CHRM3: variants seen among roughly 807,000 people sequenced by gnomAD.
The protein encoded by CHRM3 is muscarinic acetylcholine receptor M3.
CHRM3 carries 11 observed loss-of-function variants against 41.8 expected under a neutral mutation model. The ratio of observed to expected loss-of-function variants is 0.26; its 90% CI spans 0.17 to 0.44. CHRM3 has a LOEUF of 0.44. CHRM3 is among the 20% of genes least tolerant of loss of function. The probability of loss-of-function intolerance (pLI) is 1.00; values close to 1 mark genes in which losing one functional copy is unlikely to be tolerated. For synonymous variants in CHRM3, 297 were observed against 301.4 expected, an observed-to-expected ratio of 0.99 and a Z score of 0.15; for missense variants, 571 against 745.4, an observed-to-expected ratio of 0.77 and a Z score of 2.72.
intron 6 of CHRM3, among the ~76,000 whole-genome samples, chr1:239,862,654 C>T (rs1675733492): frequency 6.6e-6 from 1 of 152,086 alleles, no homozygotes; most frequent in African/African-American, 2.4e-5. Flanking sequence ...TCTTTAAGTA[C>T]CTATTATTTA....
intron 1 of CHRM3, among the ~76,000 whole-genome samples, chr1:239,403,462 G>A (rs1169477806): frequency 6.6e-6 from 1 of 152,164 alleles, no homozygotes; most frequent in Admixed American, 6.5e-5. Context: ...AGCAGTTCCT[G>A]ATGACTTATA....
At chr1:239,395,270 T>C (rs1167394462) in intron 1 of CHRM3, among the ~76,000 whole-genome samples, 1 of 152,158 alleles carries the variant, frequency 6.6e-6, no homozygotes, top group East Asian at 1.9e-4. Context: ...GTCTTCACGA[T>C]TTCAAATACC....
At chr1:239,782,991 T>TA (rs1355211511) in intron 5 of CHRM3, among the ~76,000 whole-genome samples, 1 of 151,720 alleles carries the variant, frequency 6.6e-6, no homozygotes, top group African/African-American at 2.4e-5. Context: ...TCTAGTTTTT[T>TA]TAATTTGTTA....
chr1:239,822,126 T>C (rs1333589127), intron 5 of CHRM3, among the ~76,000 whole-genome samples: 1 of 152,222 alleles, frequency 6.6e-6, no homozygotes, highest in Non-Finnish European at 1.5e-5. Flanking sequence ...AACAGACTAG[T>C]ACAGAAGCTA....
intron 2 of CHRM3, among the ~76,000 whole-genome samples, chr1:239,498,559 C>A (rs1668026397): frequency 6.6e-6 from 1 of 151,978 alleles, no homozygotes; most frequent in Non-Finnish European, 1.5e-5. Context: ...TATTAATAAG[C>A]AAAATAGGGA....
intron 2 of CHRM3, among the ~76,000 whole-genome samples, chr1:239,502,036 A>G (rs1045129174): frequency 7.2e-5 from 11 of 152,182 alleles, no homozygotes; most frequent in African/African-American, 2.6e-4. Flanking sequence ...ACAAGAACAA[A>G]CCAAACCCAA....
At chr1:239,823,066 G>A (rs1672180416) in intron 5 of CHRM3, among the ~76,000 whole-genome samples, 1 of 152,112 alleles carries the variant, frequency 6.6e-6, no homozygotes, top group South Asian at 2.1e-4. Flanking sequence ...ACAAACCAAT[G>A]GTAGACAGTT....
intron 5 of CHRM3, among the ~76,000 whole-genome samples, chr1:239,691,565 T>G (rs1415645235): frequency 6.6e-6 from 1 of 152,180 alleles, no homozygotes; most frequent in Non-Finnish European, 1.5e-5. Flanking sequence ...GAAGACAGAT[T>G]AGAATTATAT....
chr1:239,880,446 G>A (rs1677492257), intron 6 of CHRM3, among the ~76,000 whole-genome samples: 1 of 152,342 alleles, frequency 6.6e-6, no homozygotes, highest in Admixed American at 6.5e-5. Flanking sequence ...AGAAGCTTGT[G>A]AAGTTTAGTT....
At chr1:239,577,946 C>T (rs546411784) in intron 3 of CHRM3, among the ~76,000 whole-genome samples, 119 of 152,186 alleles carry the variant, frequency 7.8e-4, no homozygotes, top group African/African-American at 2.8e-3. Flanking sequence ...AAATGACAGA[C>T]GTATTAATGG....
chr1:239,737,396 G>A (rs1335980300), intron 5 of CHRM3, among the ~76,000 whole-genome samples: 2 of 152,098 alleles, frequency 1.3e-5, no homozygotes, highest in South Asian at 2.1e-4. Flanking sequence ...TAGAAAGTGC[G>A]ATAATGTTGG....
chr1:239,883,254 G>T (rs2102889505), intron 6 of CHRM3, among the ~76,000 whole-genome samples: 1 of 152,232 alleles, frequency 6.6e-6, no homozygotes, highest in African/African-American at 2.4e-5. Flanking sequence ...TTATTCTTTA[G>T]TGTTCAGGTT....
chr1:239,789,427 T>C (rs1669167625), intron 5 of CHRM3, among the ~76,000 whole-genome samples: 1 of 152,198 alleles, frequency 6.6e-6, no homozygotes, highest in African/African-American at 2.4e-5. Context: ...TATAAAGGCG[T>C]GCCTGAGACT....
chr1:239,807,367 T>G (rs1200184924), intron 5 of CHRM3, among the ~76,000 whole-genome samples: 2 of 152,210 alleles, frequency 1.3e-5, no homozygotes, highest in African/African-American at 4.8e-5. Flanking sequence ...AAAGTCACCT[T>G]GTTTAAAATT....
chr1:239,893,345 T>C (rs1678703637), intron 6 of CHRM3, among the ~76,000 whole-genome samples: 1 of 152,214 alleles, frequency 6.6e-6, no homozygotes. Flanking sequence ...GGACTGAGTT[T>C]CTGCTTTATA....
chr1:239,712,613 G>A (rs1661919890), intron 5 of CHRM3, among the ~76,000 whole-genome samples: 2 of 152,162 alleles, frequency 1.3e-5, no homozygotes, highest in South Asian at 4.1e-4. Flanking sequence ...TAAGCATAAT[G>A]CCGCATTTCC....
At chr1:239,619,460 A>G (rs1365677717) in intron 3 of CHRM3, among the ~76,000 whole-genome samples, 1 of 152,188 alleles carries the variant, frequency 6.6e-6, no homozygotes, top group Non-Finnish European at 1.5e-5. Context: ...ACTTTCTAGT[A>G]TTTAAGAATG....
intron 5 of CHRM3, among the ~76,000 whole-genome samples, chr1:239,814,806 A>G (rs1029096853): frequency 1.3e-5 from 2 of 152,018 alleles, no homozygotes; most frequent in Non-Finnish European, 2.9e-5. Flanking sequence ...TTTTTGAGAC[A>G]CAGTCTTTCT....
intron 1 of CHRM3, among the ~76,000 whole-genome samples, chr1:239,486,884 G>A (rs973066862): frequency 8.5e-5 from 13 of 152,100 alleles, no homozygotes; most frequent in African/African-American, 3.1e-4. Flanking sequence ...CCTGGATGGG[G>A]CCAAATGTTA....
Sources: allele counts gnomAD v4.1 joint callset (sites outside exome capture counted in the v4.1 genomes callset), GRCh38; gene constraint gnomAD v4.1.1; transcripts MANE v1.5; gene names NCBI Gene and HGNC (gene_info 2026-07-23, HGNC 2026-07-21).